PDE1C: variants seen among roughly 807,000 people sequenced by gnomAD.
PDE1C encodes dual specificity calcium/calmodulin-dependent 3',5'-cyclic nucleotide phosphodiesterase 1C.
PDE1C carries 62 observed loss-of-function variants against 93.1 expected under a neutral mutation model. The ratio of observed to expected loss-of-function variants is 0.67; its 90% CI spans 0.54 to 0.82. PDE1C has a LOEUF of 0.82. Among genes scored for constraint, PDE1C ranks in the 40% least tolerant of loss-of-function variants. PDE1C has a pLI of 0.00. For missense variants in PDE1C, 742 were observed against 884.6 expected, an observed-to-expected ratio of 0.84 and a Z score of 2.04; for synonymous variants, 325 against 310.1, an observed-to-expected ratio of 1.05 and a Z score of -0.50.
At chr7:31,969,571 G>T (rs1214690475) in intron 2 of PDE1C, among the ~76,000 whole-genome samples, 1 of 152,184 alleles carries the variant, frequency 6.6e-6, no homozygotes, top group Non-Finnish European at 1.5e-5. Flanking sequence ...AACCATTGTG[G>T]AAGTCAGTGT....
At chr7:32,356,681 TG>T (rs1210708653) in intron 1 of PDE1C, among the ~76,000 whole-genome samples, 2 of 152,218 alleles carry the variant, frequency 1.3e-5, no homozygotes, top group Non-Finnish European at 2.9e-5. Flanking sequence ...AATTAGCTGA[TG>T]GTCTGTTAGT....
intron 1 of PDE1C, among the ~76,000 whole-genome samples, chr7:32,235,093 A>G (rs979672903): frequency 4.6e-5 from 7 of 152,052 alleles, no homozygotes; most frequent in African/African-American, 1.7e-4. Context: ...AGGAACAGAA[A>G]GGTGCATCCT....
At chr7:31,730,794 G>T in the PDE1C span, among the ~76,000 whole-genome samples, 1 of 151,860 alleles carries the variant, frequency 6.6e-6, no homozygotes, top group African/African-American at 2.4e-5. Context: ...GAGATAGTCG[G>T]GTTTCTTCTG....
intron 3 of PDE1C, among the ~76,000 whole-genome samples, chr7:32,083,129 T>C (rs1253162005): frequency 3.9e-5 from 6 of 152,082 alleles, no homozygotes; most frequent in East Asian, 1.9e-4. Flanking sequence ...AATGTATAAC[T>C]AGAATAACCA....
chr7:32,048,111 A>G (rs1001051420), intron 2 of PDE1C, among the ~76,000 whole-genome samples: 3 of 152,238 alleles, frequency 2.0e-5, no homozygotes, highest in Non-Finnish European at 2.9e-5. Flanking sequence ...TCTACCATTC[A>G]TCAAATGAGG....
the PDE1C span, among the ~76,000 whole-genome samples, chr7:31,627,493 A>G: frequency 1.7e-4 from 26 of 152,084 alleles, no homozygotes; most frequent in African/African-American, 5.8e-4. Flanking sequence ...CCCCATCTCT[A>G]CAAAAAAATA....
chr7:31,950,659 T>G (rs1175739306), intron 2 of PDE1C, among the ~76,000 whole-genome samples: 1 of 152,188 alleles, frequency 6.6e-6, no homozygotes, highest in Non-Finnish European at 1.5e-5. Context: ...TTGAATCCAC[T>G]CATTAATTTA....
intron 17 of PDE1C, among the ~76,000 whole-genome samples, chr7:31,771,854 G>A (rs894619538): frequency 3.3e-5 from 5 of 152,028 alleles, no homozygotes; most frequent in Non-Finnish European, 7.4e-5. Flanking sequence ...AGGAGATCGA[G>A]ACCATCCTGG....
intron 2 of PDE1C, among the ~76,000 whole-genome samples, chr7:32,206,706 G>A (rs1311139135): frequency 1.3e-5 from 2 of 152,234 alleles, no homozygotes; most frequent in African/African-American, 4.8e-5. Flanking sequence ...GTACCCACAT[G>A]AGGTATTCTT....
intron 16 of PDE1C, among the ~76,000 whole-genome samples, chr7:31,794,206 T>C (rs1158009297): frequency 6.6e-6 from 1 of 151,880 alleles, no homozygotes; most frequent in African/African-American, 2.4e-5. Context: ...TGCCATTAAC[T>C]CCTAAAATTT....
chr7:32,158,869 A>C lies in PDE1C; in HGVS notation c.308+10916T>G, dbSNP rs900735361. ...CATGGCAAACAAGGCCCTACATTAC[A>C]TAGTCCCAGGCTTACCTTTGCTTTA... On this transcript the variant is annotated intron_variant, in intron 3 of 18. Coordinates refer to the PDE1C transcript ENST00000396193. 2.6e-5 allele frequency among the ~76,000 whole-genome samples: 4 copies of C among 152,228 alleles called. No individual in the cohort carries two copies. The South Asian group carries it at 8.3e-4, about 32-fold the overall frequency.
Position 32,043,313 on chromosome 7 carries a change from T to C in PDE1C, c.128+8241A>G, listed in dbSNP as rs566972804. ...CATGGCGGCCCTCACTAATGACTGA[T>C]TCAACCCTGTCAATTGTGCCTCTTA... On this transcript the variant is annotated intron_variant, in intron 2 of 17. Transcript: ENST00000396191. Among the ~76,000 whole-genome samples the C allele has an allele frequency of 8.1e-4, 123 of 152,282 alleles. 1 individual carries two copies. The highest frequency in any genetic ancestry group is 2.9e-3 in the African/African-American group (119 of 41,552).
At chr7:32,102,801 A>G (rs1441186083) in intron 3 of PDE1C, among the ~76,000 whole-genome samples, 1 of 152,220 alleles carries the variant, frequency 6.6e-6, no homozygotes, top group Non-Finnish European at 1.5e-5. Context: ...TCCCAAGAGC[A>G]GGCCATGGAG....
the PDE1C span, chr7:31,643,702 C>A: frequency 2.5e-6 from 4 of 1,614,056 alleles, no homozygotes; most frequent in East Asian, 6.7e-5. Context: ...TGGGCCCCAG[C>A]CCCTCACCAA....
At chr7:31,823,998 C>A (rs1789330587) in intron 13 of PDE1C, among the ~76,000 whole-genome samples, 1 of 152,024 alleles carries the variant, frequency 6.6e-6, no homozygotes, top group Non-Finnish European at 1.5e-5. Context: ...TGGCAGGGGG[C>A]TCTGTCCTCC....
intron 2 of PDE1C, among the ~76,000 whole-genome samples, chr7:32,209,027 C>T (rs568715819): frequency 2.6e-5 from 4 of 152,202 alleles, no homozygotes; most frequent in Admixed American, 6.5e-5. Context: ...AAGCATTTCA[C>T]GTACCTCTCC....
At chr7:32,061,382 G>A (rs745820753) in intron 1 of PDE1C, among the ~76,000 whole-genome samples, 40 of 152,362 alleles carry the variant, frequency 2.6e-4, no homozygotes, top group Non-Finnish European at 4.9e-4. Flanking sequence ...GTGAGTGAGC[G>A]CTGTGGCCAG....
intron 16 of PDE1C, among the ~76,000 whole-genome samples, chr7:31,792,398 C>T (rs769378195): frequency 3.9e-5 from 6 of 152,030 alleles, no homozygotes; most frequent in Admixed American, 6.6e-5. Context: ...GAGGATGGGA[C>T]TGATAAGGTG....
At chr7:32,140,375 T>C (rs1464178263) in intron 3 of PDE1C, among the ~76,000 whole-genome samples, 2 of 152,206 alleles carry the variant, frequency 1.3e-5, no homozygotes, top group Non-Finnish European at 2.9e-5. Flanking sequence ...ACAAAGAGCA[T>C]GTGAATTAGC....
Sources: gnomAD v4.1 joint callset for allele counts (sites outside exome capture counted in the v4.1 genomes callset) on GRCh38, gnomAD v4.1.1 for gene constraint, MANE v1.5 for transcripts, NCBI Gene and HGNC (gene_info 2026-07-23, HGNC 2026-07-21) for gene names.